Variants in HSF2 observed in about 807,000 individuals in gnomAD.
HSF2 encodes the protein heat shock factor protein 2.
In HSF2, 21 loss-of-function variants were observed where a neutral mutation model predicts 65.0. That is an observed-to-expected ratio of 0.32 (90% CI 0.23 to 0.47). HSF2 has a LOEUF of 0.47. HSF2 is among the 20% of genes least tolerant of loss of function. The pLI is 1.00. For missense variants in HSF2, 499 were observed against 628.1 expected (o/e 0.79, Z 2.20); for synonymous variants, 225 against 219.1 (o/e 1.03, Z -0.24).
chr6:122,409,163 C>A (rs1773932640), intron 1 of HSF2, among the ~76,000 whole-genome samples: 1 of 151,918 alleles, frequency 6.6e-6, no homozygotes, highest in Non-Finnish European at 1.5e-5. Context: ...GAAAATACAG[C>A]TACCTCTTAT....
At chr6:122,415,585 T>G (rs1774106123) in intron 4 of HSF2, among the ~76,000 whole-genome samples, 1 of 152,182 alleles carries the variant, frequency 6.6e-6, no homozygotes. Context: ...AAGATTAGCT[T>G]ATTTTTTTTT....
At chr6:122,413,976 T>C (rs554046724) in intron 4 of HSF2, among the ~76,000 whole-genome samples, 1 of 152,134 alleles carries the variant, frequency 6.6e-6, no homozygotes, top group Admixed American at 6.5e-5. Flanking sequence ...TTAGCTCATA[T>C]GGTGCTCATA....
chr6:122,431,885 A>C, intron 12 of HSF2, 40 bp from the exon 13 acceptor site: 2 of 1,562,714 alleles, frequency 1.3e-6, no homozygotes, highest in Non-Finnish European at 1.7e-6. Flanking sequence ...TGAACTCAGT[A>C]TAAGCTGGTG....
chr6:122,416,203 TAATA>T lies in HSF2; in HGVS notation c.456-14_456-11del, dbSNP rs750455064. 65 of 1,530,950 alleles carry T rather than the reference TAATA, an allele frequency of 4.2e-5. No individual in the cohort carries two copies. The Middle Eastern group carries it at 1.5e-3, about 36-fold the overall frequency. 94.8% of individuals were successfully genotyped at this position (1,530,950 alleles called of 1,614,324 possible). ...TTGATTTTTTTTTTGTTTTGTTGCT[TAATA>T]AATTATAACATAGTGAGAATGAGTC... On this transcript the variant is annotated splice_polypyrimidine_tract_variant and intron_variant, in intron 4 of 12. Transcript: ENST00000368455.
chr6:122,417,174 A>T (rs1041541335), intron 5 of HSF2, among the ~76,000 whole-genome samples: 3 of 151,896 alleles, frequency 2.0e-5, no homozygotes, highest in African/African-American at 7.2e-5. Context: ...AAAGTGTGCA[A>T]GTGAAGGTTG....
intron 8 of HSF2, among the ~76,000 whole-genome samples, 156 bp downstream of exon 8, chr6:122,422,454 A>G (rs1562204381): frequency 6.6e-6 from 1 of 152,174 alleles, no homozygotes; most frequent in Non-Finnish European, 1.5e-5. Context: ...AACCAGATAA[A>G]ACCTCACCTC....
intron 5 of HSF2, among the ~76,000 whole-genome samples, chr6:122,417,422 G>GT (rs1774150439): frequency 7.0e-6 from 1 of 143,008 alleles, no homozygotes; most frequent in Non-Finnish European, 1.6e-5. Flanking sequence ...AGCAAGAATA[G>GT]TTGATAAAAT....
intron 5 of HSF2, among the ~76,000 whole-genome samples, chr6:122,418,921 G>A (rs1402649286): frequency 6.6e-6 from 1 of 152,154 alleles, no homozygotes; most frequent in Admixed American, 6.6e-5. Context: ...AGTACTTGAA[G>A]TAAAAAAGTT....
At chr6:122,400,368 T>C (rs947770566) in intron 1 of HSF2, among the ~76,000 whole-genome samples, 4 of 152,214 alleles carry the variant, frequency 2.6e-5, no homozygotes, top group Non-Finnish European at 5.9e-5. Context: ...GCAATAGACA[T>C]ACGTTCAAAC....
chr6:122,419,301 G>A (rs1219814368), intron 6 of HSF2, 72 bp downstream of exon 6: 2 of 672,392 alleles, frequency 3.0e-6, no homozygotes, highest in Non-Finnish European at 2.6e-6. Flanking sequence ...ACCATGAGTA[G>A]CCTACACTTG....
chr6:122,399,835 G>T lies in HSF2; in HGVS notation c.93+5G>T. 6.2e-7 allele frequency: 1 copy of T among 1,607,762 alleles called. No homozygotes were observed. The highest frequency in any genetic ancestry group is 1.3e-5 in the African/African-American group (1 of 74,668). On this transcript the variant is annotated splice_donor_5th_base_variant and intron_variant, in intron 1 of 12. Transcript: ENST00000368455. ...GAGTTCATCACCTGGAGCCAGGTAC[G>T]GTCAGGCCACGGCGGCCTCTGAACC...
chr6:122,419,389 A>AT (rs1405855666), intron 6 of HSF2, among the ~76,000 whole-genome samples, 160 bp downstream of exon 6: 6 of 152,104 alleles, frequency 3.9e-5, no homozygotes, highest in African/African-American at 1.4e-4. Flanking sequence ...GAGTAGTATT[A>AT]TTTTTTAGTT....
Position 122,416,245 on chromosome 6 carries a change from G to C in HSF2, c.480G>C (p.Glu160Asp). 3 of 1,609,336 alleles carry C rather than the reference G, an allele frequency of 1.9e-6. No homozygotes were observed. The highest frequency in any genetic ancestry group is 1.7e-6 in the Non-Finnish European group (2 of 1,175,908). ...LKSENESLWK[E>D]VSELRAKHAQ... ...GTGAGAATGAGTCCCTTTGGAAGGA[G>C]GTGTCAGAATTACGAGCAAAGCATG... is the stretch of plus-strand genomic sequence containing the variant. The change falls in exon 5 of 13, where the codon GAG (glutamate) becomes GAC (aspartate). Residue 160 changes from glutamate (E) to aspartate (D), a missense_variant. Physicochemically the swap from Glu to Asp is conservative, Grantham distance 45. This residue lies in a region of HSF2 where 150 missense variants were observed against 234.6 expected (regional missense o/e 0.64). Coordinates refer to ENST00000368455, the MANE Select transcript of HSF2 (RefSeq NM_004506.4).
chr6:122,432,113 C>T lies in HSF2; in HGVS notation c.1504C>T (p.Arg502Cys), dbSNP rs1774486331. 7.4e-6 allele frequency: 12 copies of T among 1,614,038 alleles called. No homozygotes were observed. Among genetic ancestry groups the T allele is most frequent in the African/African-American group, 1.3e-5 (1 of 75,016 alleles). The change falls in exon 13 of 13, where the codon CGC becomes TGC. Residue 502 changes from arginine to cysteine, a missense_variant. Arg to Cys is a radical substitution (Grantham distance 180). Around this residue, in one of 2 missense-constraint regions of HSF2, gnomAD observed 349 missense variants for 393.5 expected, o/e 0.89. Coordinates refer to ENST00000368455, the MANE Select transcript of HSF2 (RefSeq NM_004506.4). ...AGAACCAACCCAAAGTAAGCTTGTT[C>T]GCCTGGAGCCATTGACTGAAGCTGA... ...DPEPTQSKLV[R>C]LEPLTEAEAS... is the part of the protein sequence containing the mutation.
intron 1 of HSF2, among the ~76,000 whole-genome samples, chr6:122,402,683 G>T (rs979876552): frequency 6.6e-6 from 1 of 152,072 alleles, no homozygotes; most frequent in Non-Finnish European, 1.5e-5. Context: ...GTCTCGAGTA[G>T]TTGTGATTAC....
At chr6:122,431,197 T>C (rs902634315) in intron 11 of HSF2, among the ~76,000 whole-genome samples, 4 of 152,128 alleles carry the variant, frequency 2.6e-5, no homozygotes, top group Admixed American at 6.5e-5. Flanking sequence ...ATACTTAATA[T>C]AGAACATCTT....
rs997391141 is a variant in HSF2 at position 122,405,982 on chromosome 6, T to C, written c.93+6152T>C. ...GGTCTTTGAGTGTTGCTGACCACCA[T>C]TAATATCAAGAGCTAGGCACTGGAG... On this transcript the variant is annotated intron_variant, in intron 1 of 12. Transcript: ENST00000368455. Among the ~76,000 whole-genome samples, 73 of 152,132 alleles carry C rather than the reference T, an allele frequency of 4.8e-4. 3 individuals are homozygous for C. Among genetic ancestry groups the C allele is most frequent in the Non-Finnish European group, 8.8e-5 (6 of 68,028 alleles).
At position 122,423,678 on chromosome 6, in the gene HSF2, C is replaced by G; in HGVS notation, c.1168C>G (p.Leu390Val). The change falls in exon 10 of 13, where the codon CTG becomes GTG. Residue 390 changes from leucine to valine, a missense_variant. By Grantham distance (32) the Leu-to-Val change is conservative. Around this residue, in one of 2 missense-constraint regions of HSF2, gnomAD observed 349 missense variants for 393.5 expected, o/e 0.89. Coordinates refer to ENST00000368455, the MANE Select transcript of HSF2 (RefSeq NM_004506.4). ...ACAATTTAGCATAGACCCAGATCTC[C>G]TGGTTGATGTAGGTACTTTGGGTAA... ...GRQFSIDPDLLVDLFTSSVQM... is the reference protein window; with the variant it reads ...GRQFSIDPDLVVDLFTSSVQM... 10 of 1,592,222 alleles carry G rather than the reference C, an allele frequency of 6.3e-6. No individual in the cohort carries two copies. The highest frequency in any genetic ancestry group is 8.6e-6 in the Non-Finnish European group (10 of 1,162,902).
chr6:122,416,387 T>C, intron 5 of HSF2, 91 bp downstream of exon 5: 1 of 728,820 alleles, frequency 1.4e-6, no homozygotes, highest in Non-Finnish European at 2.4e-6. Flanking sequence ...GTGTCTGTGA[T>C]TGATCTTAGT....
Sources: allele counts gnomAD v4.1 joint callset (sites outside exome capture counted in the v4.1 genomes callset), GRCh38; gene constraint gnomAD v4.1.1; regional missense constraint gnomAD v4.1.1; transcripts MANE v1.5; gene names NCBI Gene and HGNC (gene_info 2026-07-23, HGNC 2026-07-21).